NSUN3: variants seen among roughly 807,000 people sequenced by gnomAD.
NSUN3 encodes NOP2/Sun RNA methyltransferase 3, also known as tRNA (cytosine(34)-C(5))-methyltransferase, mitochondrial.
Under a neutral mutation model 36.8 loss-of-function variants are expected in NSUN3, and 24 were observed. The observed-to-expected ratio is 0.65, with a 90% CI of 0.47 to 0.92. The LOEUF (loss-of-function observed/expected upper bound fraction) is 0.92, where lower values mean the gene tolerates loss of function less well. NSUN3 is among the 40% of genes least tolerant of loss of function. The pLI, the probability that NSUN3 is intolerant of heterozygous loss-of-function variation, is 0.00. For synonymous variants in NSUN3, 146 were observed against 145.2 expected (o/e 1.01, Z -0.04); for missense variants, 381 against 392.8 (o/e 0.97, Z 0.25).
chr3:94,092,983 G>A (rs2077322349), intron 3 of NSUN3, among the ~76,000 whole-genome samples: 1 of 142,998 alleles, frequency 7.0e-6, no homozygotes, highest in African/African-American at 2.6e-5. Flanking sequence ...GAGAAGGTAA[G>A]CCATACACAG....
At chr3:94,117,441 G>A (rs1003579699) in intron 5 of NSUN3, among the ~76,000 whole-genome samples, 22 of 152,070 alleles carry the variant, frequency 1.4e-4, no homozygotes, top group African/African-American at 4.6e-4. Flanking sequence ...TGCAAATGAG[G>A]GAAATTTAAC....
chr3:94,092,378 T>G (rs2107253443), intron 3 of NSUN3, among the ~76,000 whole-genome samples: 1 of 152,302 alleles, frequency 6.6e-6, no homozygotes, highest in East Asian at 1.9e-4. Context: ...CACTTTTGCT[T>G]CCTTAGAATT....
intron 2 of NSUN3, among the ~76,000 whole-genome samples, chr3:94,082,487 A>T (rs536733347): frequency 5.3e-5 from 8 of 152,300 alleles, no homozygotes; most frequent in Non-Finnish European, 1.0e-4. Flanking sequence ...CACCATCCAT[A>T]GTAAGAGGCA....
At chr3:94,065,327 G>T (rs1481270221) in intron 2 of NSUN3, among the ~76,000 whole-genome samples, 1 of 152,180 alleles carries the variant, frequency 6.6e-6, no homozygotes, top group Non-Finnish European at 1.5e-5. Context: ...GCCAGCAAAG[G>T]CCTGAAGGGA....
chr3:94,069,420 T>C (rs1225724204), intron 2 of NSUN3, among the ~76,000 whole-genome samples: 2 of 152,242 alleles, frequency 1.3e-5, no homozygotes, highest in African/African-American at 4.8e-5. Context: ...ATGAGCACCC[T>C]CTAGTGGATA....
intron 2 of NSUN3, among the ~76,000 whole-genome samples, chr3:94,067,923 G>T (rs1012690756): frequency 6.6e-6 from 1 of 151,890 alleles, no homozygotes; most frequent in African/African-American, 2.4e-5. Flanking sequence ...ACAAACCTTT[G>T]CTCCCCAGAA....
chr3:94,090,311 A>T lies in NSUN3; in HGVS notation c.467-3829A>T, dbSNP rs983967173. On this transcript the variant is annotated intron_variant, in intron 3 of 5. Coordinates refer to ENST00000314622, the MANE Select transcript of NSUN3 (RefSeq NM_022072.5). ...CTTGCATTGTGACACTTTATATTTC[A>T]TATTTTTAAAAAGTTTAACCAACCT... 2.0e-5 allele frequency among the ~76,000 whole-genome samples: 3 copies of T among 152,320 alleles called. No individual in the cohort carries two copies. In the South Asian group the frequency reaches 6.2e-4, roughly 32 times the overall value.
At chr3:94,064,367 C>A in intron 1 of NSUN3, 70 bp from the exon 2 acceptor site, 1 of 909,072 alleles carries the variant, frequency 1.1e-6, no homozygotes, top group Non-Finnish European at 1.8e-6. Flanking sequence ...AAAAAAAGAC[C>A]TTGCTAATGT....
At chr3:94,064,161 T>G in intron 1 of NSUN3, 1 of 384,322 alleles carries the variant, frequency 2.6e-6, no homozygotes, top group Non-Finnish European at 4.8e-6. Flanking sequence ...AGTGACTTTT[T>G]AAAATTAATT....
At chr3:94,065,117 A>G (rs2077199111) in intron 2 of NSUN3, among the ~76,000 whole-genome samples, 1 of 152,190 alleles carries the variant, frequency 6.6e-6, no homozygotes, top group South Asian at 2.1e-4. Flanking sequence ...TAATGTATGG[A>G]TTACTGTATG....
rs763105808 is a variant in NSUN3 at position 94,084,209 on chromosome 3, C to T, written c.225C>T (p.His75=). 7 of 1,614,136 alleles carry T rather than the reference C, an allele frequency of 4.3e-6. No individual in the cohort carries two copies. In the South Asian group the frequency reaches 6.6e-5, roughly 15 times the overall value. ...LEKDLHLKGY[H]TLSQGSLPNY... ...AGGATTTACATTTGAAGGGCTATCA[C>T]ACACTCTCTCAGGGATCTTTACCCA... is the stretch of plus-strand genomic sequence containing the variant. Residue 75 remains histidine (H), a synonymous_variant, in exon 3 of 6, where the codon CAC becomes CAT. Coordinates refer to ENST00000314622, the MANE Select transcript of NSUN3 (RefSeq NM_022072.5).
At position 94,084,355 on chromosome 3, in the gene NSUN3, T is replaced by G. The variant is rs1295615704; in HGVS notation, c.371T>G (p.Val124Gly). 1 of 1,614,092 alleles carries G rather than the reference T, an allele frequency of 6.2e-7. No individual in the cohort carries two copies. The highest frequency in any genetic ancestry group is 8.5e-7 in the Non-Finnish European group (1 of 1,179,948). ...YLLNAASLLP[V>G]LALELRDGEK... ...CTAAATGCTGCTTCTCTTCTCCCAG[T>G]GTTGGCTCTGGAATTAAGGGATGGG... The change falls in exon 3 of 6, where the codon GTG becomes GGG. Residue 124 changes from valine (V) to glycine (G), a missense_variant. Transcript: ENST00000314622.
intron 5 of NSUN3, among the ~76,000 whole-genome samples, chr3:94,124,664 G>A (rs1463641890): frequency 1.3e-5 from 2 of 152,048 alleles, no homozygotes; most frequent in South Asian, 2.1e-4. Context: ...ACTTCTTTAT[G>A]GACCCTGTCT....
In NSUN3 at chr3:94,077,074, A is replaced by G. The variant is rs111903200; in HGVS notation, c.123-7033A>G. ...CCACTCCAGAGCCTGCGTCATCACCAAATCATAAAGAAAAGGGGTGTTCTT... is the reference window on the plus strand; with the variant it reads ...CCACTCCAGAGCCTGCGTCATCACCGAATCATAAAGAAAAGGGGTGTTCTT... On this transcript the variant is annotated intron_variant, in intron 2 of 5. Transcript: ENST00000314622. 220 of 789,864 alleles carry G rather than the reference A, an allele frequency of 2.8e-4. No individual in the cohort carries two copies. The African/African-American group carries it at 3.4e-3, about 12-fold the overall frequency. 48.9% of individuals were successfully genotyped at this position (789,864 alleles called of 1,614,324 possible). A position where few individuals can be genotyped will look rare whatever the true frequency, so the allele number is the denominator to read the frequency against.
intron 5 of NSUN3, among the ~76,000 whole-genome samples, chr3:94,098,166 G>A (rs2077351096): frequency 6.6e-6 from 1 of 152,082 alleles, no homozygotes; most frequent in Non-Finnish European, 1.5e-5. Flanking sequence ...GCCTAAGTCA[G>A]ACACCCATCT....
intron 2 of NSUN3, among the ~76,000 whole-genome samples, chr3:94,067,094 G>A (rs188682572): frequency 0.011 from 1,704 of 152,246 alleles, 16 homozygotes; most frequent in Non-Finnish European, 0.014. Context: ...TCAACATCCA[G>A]AAGGGCTTGT....
chr3:94,118,470 G>T (rs1270129153), intron 5 of NSUN3, among the ~76,000 whole-genome samples: 1 of 152,076 alleles, frequency 6.6e-6, no homozygotes, highest in Non-Finnish European at 1.5e-5. Flanking sequence ...ATTCAATGAT[G>T]AATAATACCA....
intron 2 of NSUN3, among the ~76,000 whole-genome samples, chr3:94,080,776 G>C (rs1318657931): frequency 3.3e-5 from 5 of 152,184 alleles, no homozygotes; most frequent in Non-Finnish European, 7.3e-5. Context: ...AGCATCCCAG[G>C]TTGATCTGAG....
At chr3:94,098,910 T>C (rs2077353935) in intron 5 of NSUN3, among the ~76,000 whole-genome samples, 1 of 152,128 alleles carries the variant, frequency 6.6e-6, no homozygotes, top group African/African-American at 2.4e-5. Context: ...CCTCTGCTAC[T>C]CAATTATCTA....
Sources: allele counts gnomAD v4.1 joint callset (sites outside exome capture counted in the v4.1 genomes callset), GRCh38; gene constraint gnomAD v4.1.1; transcripts MANE v1.5; gene names NCBI Gene and HGNC (gene_info 2026-07-23, HGNC 2026-07-21).